The following PPP4R3B variants were observed in gnomAD, a reference collection of about 807,000 sequenced individuals.
PPP4R3B encodes protein phosphatase 4 regulatory subunit 3B.
PPP4R3B carries 52 observed loss-of-function variants against 95.4 expected under a neutral mutation model. The ratio of observed to expected loss-of-function variants is 0.54; its 90% confidence interval spans 0.44 to 0.69. PPP4R3B has a LOEUF of 0.69. PPP4R3B is among the 30% of genes least tolerant of loss of function. The pLI, the probability that PPP4R3B is intolerant of heterozygous loss-of-function variation, is 0.00. For synonymous variants in PPP4R3B, 407 were observed against 343.9 expected (o/e 1.18, Z -2.03); for missense variants, 1,003 against 1,005.9 (o/e 1.00, Z 0.04).
chr2:55,585,954 T>C (rs751852849), intron 6 of PPP4R3B, among the ~76,000 whole-genome samples: 2 of 151,904 alleles, frequency 1.3e-5, no homozygotes, highest in Non-Finnish European at 2.9e-5. Context: ...TGACATGATA[T>C]CACCACAAAT....
chr2:55,555,618 A>G (rs1408929526), intron 16 of PPP4R3B, among the ~76,000 whole-genome samples: 1 of 152,206 alleles, frequency 6.6e-6, no homozygotes, highest in Non-Finnish European at 1.5e-5. Context: ...TAATAAATGC[A>G]CATTCTATAC....
At chr2:55,609,989 TA>T (rs1348681226) in intron 2 of PPP4R3B, among the ~76,000 whole-genome samples, 7 of 152,172 alleles carry the variant, frequency 4.6e-5, no homozygotes, top group Admixed American at 3.9e-4. Context: ...TATTACACAC[TA>T]AAAAAAATTT....
At chr2:55,575,947 A>G (rs1157647791) in intron 11 of PPP4R3B, among the ~76,000 whole-genome samples, 2 of 152,250 alleles carry the variant, frequency 1.3e-5, no homozygotes, top group African/African-American at 4.8e-5. Flanking sequence ...TGATATTTCA[A>G]GGACTGTTTC....
At chr2:55,600,158 G>A (rs1416747493) in intron 3 of PPP4R3B, among the ~76,000 whole-genome samples, 7 of 152,002 alleles carry the variant, frequency 4.6e-5, no homozygotes, top group Non-Finnish European at 1.0e-4. Flanking sequence ...AAGGGGTGGC[G>A]GCTCACGCCT....
At chr2:55,565,086 G>C in intron 13 of PPP4R3B, 45 bp from the exon 14 acceptor site, 9 of 1,425,340 alleles carry the variant, frequency 6.3e-6, no homozygotes, top group Non-Finnish European at 8.4e-6. Context: ...TACAATGCTT[G>C]TTAGAAGAAA....
At chr2:55,584,018 CA>C (rs1689778180) in intron 7 of PPP4R3B, among the ~76,000 whole-genome samples, 1 of 152,080 alleles carries the variant, frequency 6.6e-6, no homozygotes, top group Non-Finnish European at 1.5e-5. Context: ...CCACCCTGAA[CA>C]ACATGGTGAA....
intron 4 of PPP4R3B, among the ~76,000 whole-genome samples, chr2:55,596,062 G>C (rs1377425752): frequency 6.6e-6 from 1 of 152,000 alleles, no homozygotes; most frequent in Non-Finnish European, 1.5e-5. Context: ...CAAGGAGACA[G>C]AATAAAATCA....
chr2:55,612,669 G>A (rs1452569437), intron 2 of PPP4R3B, among the ~76,000 whole-genome samples: 2 of 152,208 alleles, frequency 1.3e-5, no homozygotes, highest in Non-Finnish European at 2.9e-5. Context: ...GGTTGGCCGG[G>A]CTTGGTGGCT....
chr2:55,600,286 C>T (rs1177699060), intron 3 of PPP4R3B, among the ~76,000 whole-genome samples: 1 of 151,882 alleles, frequency 6.6e-6, no homozygotes, highest in Non-Finnish European at 1.5e-5. Flanking sequence ...ATTAGCTGGG[C>T]GTGGTGGCGC....
intron 10 of PPP4R3B, among the ~76,000 whole-genome samples, chr2:55,577,796 ATG>A (rs1688884783): frequency 1.3e-5 from 2 of 152,092 alleles, no homozygotes; most frequent in South Asian, 4.1e-4. Context: ...AGAATAATGA[ATG>A]TGTTTATGCT....
intron 2 of PPP4R3B, among the ~76,000 whole-genome samples, chr2:55,609,227 T>A (rs537828008): frequency 2.0e-5 from 3 of 152,084 alleles, no homozygotes; most frequent in Non-Finnish European, 4.4e-5. Context: ...GGTGTGATCA[T>A]CACGAACTAT....
At chr2:55,567,709 C>T (rs1687491774) in intron 13 of PPP4R3B, among the ~76,000 whole-genome samples, 2 of 152,180 alleles carry the variant, frequency 1.3e-5, no homozygotes, top group South Asian at 4.1e-4. Context: ...AGCCACCACG[C>T]CCAACCCCAA....
chr2:55,590,160 T>C (rs1690805439), intron 4 of PPP4R3B, among the ~76,000 whole-genome samples: 2 of 150,056 alleles, frequency 1.3e-5, no homozygotes, highest in South Asian at 4.2e-4. Flanking sequence ...AAACCCCGTC[T>C]CCACTAAAAA....
At chr2:55,594,929 G>C (rs1253716805) in intron 4 of PPP4R3B, among the ~76,000 whole-genome samples, 1 of 151,962 alleles carries the variant, frequency 6.6e-6, no homozygotes, top group Non-Finnish European at 1.5e-5. Flanking sequence ...AACAATAATA[G>C]GTGACTACTG....
chr2:55,561,726 T>C (rs551279632), intron 15 of PPP4R3B, among the ~76,000 whole-genome samples: 1 of 152,272 alleles, frequency 6.6e-6, no homozygotes, highest in African/African-American at 2.4e-5. Context: ...GTAGCCCCTT[T>C]GTTTTGGCCA....
chr2:55,613,247 C>G (rs1694432734), intron 2 of PPP4R3B, among the ~76,000 whole-genome samples: 4 of 151,530 alleles, frequency 2.6e-5, no homozygotes, highest in Admixed American at 1.3e-4. Context: ...TCAATTTAAA[C>G]AAAAATAAAC....
chr2:55,616,415 T>C (rs948314771), intron 1 of PPP4R3B: 4 of 152,184 alleles, frequency 2.6e-5, no homozygotes, highest in Non-Finnish European at 5.9e-5. Flanking sequence ...TCAAATCAAG[T>C]CCAGATTATA....
chr2:55,582,319 G>A (rs1021076182), intron 7 of PPP4R3B, among the ~76,000 whole-genome samples: 2 of 152,158 alleles, frequency 1.3e-5, no homozygotes, highest in African/African-American at 4.8e-5. Context: ...CTGGAGTGCA[G>A]TGGGGCAATC....
In PPP4R3B at chr2:55,549,798, C is replaced by G. The variant is rs1685041434; in HGVS notation, c.*113G>C. ...TTAGCTGATATACTGTCTTTTGCTA[C>G]TCCTTGTATATTTTATAAGTTCAAT... On this transcript the variant is annotated 3_prime_UTR_variant, in exon 17 of 17. Coordinates refer to ENST00000616407, the MANE Select transcript of PPP4R3B (RefSeq NM_001122964.3). 1 of 808,552 alleles carries G rather than the reference C, an allele frequency of 1.2e-6. No individual in the cohort carries two copies. The highest frequency in any genetic ancestry group is 2.1e-6 in the Non-Finnish European group (1 of 478,108). The allele number at this position is 808,552 out of a possible 1,614,324, so 50.1% of individuals were successfully genotyped here.
Sources: gnomAD v4.1 joint callset for allele counts (sites outside exome capture counted in the v4.1 genomes callset) on GRCh38, gnomAD v4.1.1 for gene constraint, MANE v1.5 for transcripts, NCBI Gene and HGNC (gene_info 2026-07-23, HGNC 2026-07-21) for gene names.